Variants in PRDM16 observed in about 807,000 individuals in gnomAD.
PRDM16 encodes the protein histone-lysine N-methyltransferase PRDM16.
PRDM16 carries 23 observed loss-of-function variants against 110.6 expected under a neutral mutation model. The observed-to-expected ratio is 0.21, with a 90% CI of 0.15 to 0.29. The LOEUF is 0.29. Ranked by LOEUF, PRDM16 falls within the 10% of genes least tolerant of loss-of-function variation. The pLI is 1.00. For synonymous variants in PRDM16, 799 were observed against 781.8 expected, an observed-to-expected ratio of 1.02 and a Z score of -0.37; for missense variants, 1,615 against 1,794.3, an observed-to-expected ratio of 0.90 and a Z score of 1.81.
chr1:3,141,027 C>A (rs1318189682), intron 1 of PRDM16, among the ~76,000 whole-genome samples: 1 of 152,194 alleles, frequency 6.6e-6, no homozygotes, highest in African/African-American at 2.4e-5. Context: ...ATCAACATCA[C>A]CAATGGCAAG....
chr1:3,322,749 C>A (rs2100462146), intron 3 of PRDM16, among the ~76,000 whole-genome samples: 1 of 152,342 alleles, frequency 6.6e-6, no homozygotes, highest in South Asian at 2.1e-4. Context: ...ACATCCTTTG[C>A]TCCCTGCCCA....
intron 4 of PRDM16, among the ~76,000 whole-genome samples, chr1:3,389,949 G>GCCCCCCCCCCCCCC (rs70938087): frequency 4.4e-4 from 47 of 107,022 alleles, no homozygotes; most frequent in Admixed American, 7.0e-4. Context: ...CTGGGGGTGC[G>GCCCCCCCCCCCCCC]CCCCCCCCCC....
At chr1:3,261,406 T>C (rs1458060395) in intron 3 of PRDM16, among the ~76,000 whole-genome samples, 2 of 152,130 alleles carry the variant, frequency 1.3e-5, no homozygotes, top group Non-Finnish European at 2.9e-5. Flanking sequence ...TCACAATGCA[T>C]GGAAACATCT....
chr1:3,340,583 C>T lies in PRDM16; in HGVS notation c.439-44569C>T, dbSNP rs535284698. On this transcript the variant is annotated intron_variant, in intron 3 of 16. Coordinates refer to ENST00000270722, the MANE Select transcript of PRDM16 (RefSeq NM_022114.4). ...CAGGGCTCCCTCCCCCACTCTGAGTCTGTCCCTTCTACGCGTGTCTGTGTC... is the reference window on the plus strand; with the variant it reads ...CAGGGCTCCCTCCCCCACTCTGAGTTTGTCCCTTCTACGCGTGTCTGTGTC... Among the ~76,000 whole-genome samples, 3 of 152,346 alleles carry T rather than the reference C, an allele frequency of 2.0e-5. No individual in the cohort carries two copies. In the East Asian group the frequency reaches 5.8e-4, roughly 29 times the overall value.
At chr1:3,272,279 C>T (rs986178467) in intron 3 of PRDM16, among the ~76,000 whole-genome samples, 1 of 152,206 alleles carries the variant, frequency 6.6e-6, no homozygotes, top group Non-Finnish European at 1.5e-5. Flanking sequence ...TAGTCGGGCG[C>T]TTTAAGGCCC....
intron 3 of PRDM16, among the ~76,000 whole-genome samples, chr1:3,254,328 G>C (rs1308837327): frequency 6.6e-6 from 1 of 152,114 alleles, no homozygotes; most frequent in Admixed American, 6.6e-5. Flanking sequence ...GGCAGGAGAA[G>C]GAAATAAAGG....
chr1:3,431,475 A>G (rs1025677395), intron 15 of PRDM16, among the ~76,000 whole-genome samples: 1 of 152,246 alleles, frequency 6.6e-6, no homozygotes, highest in African/African-American at 2.4e-5. Context: ...CCAAGCACCC[A>G]CCATTCTGTG....
chr1:3,232,528 T>A (rs567588278), intron 2 of PRDM16, among the ~76,000 whole-genome samples: 3 of 152,330 alleles, frequency 2.0e-5, no homozygotes, highest in South Asian at 2.1e-4. Flanking sequence ...TCTGGCCTCC[T>A]TGGCTTGCAA....
chr1:3,170,961 G>C (rs942815151), intron 1 of PRDM16, among the ~76,000 whole-genome samples: 1 of 152,262 alleles, frequency 6.6e-6, no homozygotes, highest in South Asian at 2.1e-4. Flanking sequence ...CCCAAACGAG[G>C]CTGTCCTCCC....
intron 3 of PRDM16, among the ~76,000 whole-genome samples, chr1:3,378,182 C>G (rs1444336889): frequency 6.6e-6 from 1 of 152,196 alleles, no homozygotes; most frequent in Non-Finnish European, 1.5e-5. Context: ...ACACCACCTC[C>G]CTGAGTGTTC....
At chr1:3,191,962 C>T (rs901598225) in intron 2 of PRDM16, among the ~76,000 whole-genome samples, 3 of 152,150 alleles carry the variant, frequency 2.0e-5, no homozygotes, top group South Asian at 2.1e-4. Context: ...CGGTTCAGTC[C>T]GATGGCAGGA....
At chr1:3,188,765 T>C (rs1406023623) in intron 2 of PRDM16, among the ~76,000 whole-genome samples, 1 of 152,078 alleles carries the variant, frequency 6.6e-6, no homozygotes, top group Admixed American at 6.5e-5. Flanking sequence ...TGTGCGTCGG[T>C]GCCTTCGGGA....
intron 3 of PRDM16, among the ~76,000 whole-genome samples, chr1:3,347,493 G>A (rs769530364): frequency 6.6e-6 from 1 of 152,216 alleles, no homozygotes. Flanking sequence ...CTGGTCCCAG[G>A]CAGGCTCTGT....
chr1:3,134,147 T>C (rs1380046503), intron 1 of PRDM16, among the ~76,000 whole-genome samples: 2 of 152,140 alleles, frequency 1.3e-5, no homozygotes, highest in South Asian at 4.2e-4. Context: ...TCTGGGCTCC[T>C]GCTGGGACCT....
intron 2 of PRDM16, among the ~76,000 whole-genome samples, chr1:3,204,950 C>T (rs1023305411): frequency 2.6e-5 from 4 of 152,264 alleles, no homozygotes; most frequent in South Asian, 2.1e-4. Flanking sequence ...GGGAAGGCCC[C>T]GCGGGATTGT....
Position 3,181,336 on chromosome 1 carries a change from AGTCTTACACACG to A in PRDM16, c.38-4764_38-4753del, listed in dbSNP as rs796918869. ...CTTACACACGCAATCTTACACAAGC[AGTCTTACACACG>A]GTCTTACACACGGTCTTACACACGC... is the stretch of plus-strand genomic sequence containing the variant. On this transcript the variant is annotated intron_variant, in intron 1 of 16. Transcript: ENST00000270722. Among the ~76,000 whole-genome samples the A allele has an allele frequency of 1.3e-3, 130 of 101,886 alleles. 26 individuals carry two copies. The Middle Eastern group carries it at 0.037, about 29-fold the overall frequency. The allele number at this position is 101,886 out of a possible 152,430, so 66.8% of individuals were successfully genotyped here.
At chr1:3,393,894 G>A (rs1643338928) in intron 4 of PRDM16, among the ~76,000 whole-genome samples, 1 of 152,186 alleles carries the variant, frequency 6.6e-6, no homozygotes, top group Non-Finnish European at 1.5e-5. Flanking sequence ...AGCAGTAATA[G>A]CGATTAATTC....
chr1:3,187,434 G>C (rs1427044304), intron 2 of PRDM16, among the ~76,000 whole-genome samples: 4 of 152,188 alleles, frequency 2.6e-5, no homozygotes, highest in Admixed American at 1.3e-4. Context: ...CCAGACGGGT[G>C]GGGGCAGGGT....
chr1:3,094,153 C>T (rs1642338610), intron 1 of PRDM16, among the ~76,000 whole-genome samples: 1 of 152,154 alleles, frequency 6.6e-6, no homozygotes, highest in African/African-American at 2.4e-5. Flanking sequence ...GCGGGGCACG[C>T]AGGGCAGAGC....
Sources: allele counts gnomAD v4.1 joint callset (sites outside exome capture counted in the v4.1 genomes callset), GRCh38; gene constraint gnomAD v4.1.1; transcripts MANE v1.5; gene names NCBI Gene and HGNC (gene_info 2026-07-23, HGNC 2026-07-21).